GNB4: variants seen among roughly 807,000 people sequenced by gnomAD.
The protein encoded by GNB4 is G protein subunit beta 4.
Under a neutral mutation model 45.2 loss-of-function variants are expected in GNB4, and 28 were observed. The observed-to-expected ratio is 0.62, with a 90% CI of 0.46 to 0.85. The LOEUF is 0.85. Ranked by LOEUF, GNB4 falls within the 40% of genes least tolerant of loss-of-function variation. The probability of loss-of-function intolerance (pLI) is 0.00; values close to 1 mark genes in which losing one functional copy is unlikely to be tolerated. For synonymous variants in GNB4, 132 were observed against 143.7 expected, an observed-to-expected ratio of 0.92 and a Z score of 0.58; for missense variants, 321 against 425.4, an observed-to-expected ratio of 0.75 and a Z score of 2.16.
the GNB4 span, among the ~76,000 whole-genome samples, chr3:179,472,341 TCTTTC>T: frequency 1.3e-5 from 2 of 150,510 alleles, no homozygotes; most frequent in South Asian, 4.2e-4. Flanking sequence ...TTTTTCTTTT[TCTTTC>T]CTTTCCTTTC....
In GNB4 at chr3:179,397,722, C is replaced by A. The variant is rs190667117; in HGVS notation, c.*3491G>T. 1 of 152,622 alleles carries A rather than the reference C, an allele frequency of 6.6e-6. No individual in the cohort carries two copies. Among genetic ancestry groups the A allele is most frequent in the Non-Finnish European group, 1.5e-5 (1 of 68,072 alleles). The allele number at this position is 152,622 out of a possible 1,614,324, so 9.5% of individuals were successfully genotyped here. A position where few individuals can be genotyped will look rare whatever the true frequency, so the allele number is the denominator to read the frequency against. ...CTGTCCATTAAAGTGGAGGAGATAT[C>A]CTTGCTGATGGCAAAAACTGCTTTT... On this transcript the variant is annotated 3_prime_UTR_variant, in exon 10 of 10. Transcript: ENST00000232564.
In GNB4 at chr3:179,398,892, T is replaced by C. The variant is rs1267737120; in HGVS notation, c.*2321A>G. Reference sequence around the variant, plus strand: ...AATTATGGGAATTGCTTTAAACTCCTCTTCATAAACTTTAAGAACATTAAA... The same window carrying C: ...AATTATGGGAATTGCTTTAAACTCCCCTTCATAAACTTTAAGAACATTAAA... On this transcript the variant is annotated 3_prime_UTR_variant, in exon 10 of 10. Coordinates refer to ENST00000232564, the MANE Select transcript of GNB4 (RefSeq NM_021629.4). 2 of 152,212 alleles carry C rather than the reference T, an allele frequency of 1.3e-5. No homozygotes were observed. The highest frequency in any genetic ancestry group is 2.9e-5 in the Non-Finnish European group (2 of 68,044). The allele number at this position is 152,212 out of a possible 1,614,324, so 9.4% of individuals were successfully genotyped here.
intron 6 of GNB4, among the ~76,000 whole-genome samples, chr3:179,414,607 G>A (rs1459601478): frequency 6.6e-6 from 1 of 152,136 alleles, no homozygotes; most frequent in African/African-American, 2.4e-5. Context: ...GCAGAAAATG[G>A]AGAACATTTT....
chr3:179,430,285 C>T (rs573140410), intron 1 of GNB4, among the ~76,000 whole-genome samples: 1 of 152,190 alleles, frequency 6.6e-6, no homozygotes, highest in South Asian at 2.1e-4. Context: ...GAGACAGGGT[C>T]GCCATGTTGC....
chr3:179,494,408 C>A, the GNB4 span, among the ~76,000 whole-genome samples: 1 of 151,998 alleles, frequency 6.6e-6, no homozygotes, highest in East Asian at 1.9e-4. Flanking sequence ...TGTTGTGGCA[C>A]ATGCCTGTAA....
the GNB4 span, chr3:179,464,396 C>T: frequency 4.1e-6 from 5 of 1,211,728 alleles, no homozygotes; most frequent in South Asian, 3.7e-5. Context: ...TGCTGCAGCC[C>T]GTGCACAGCT....
the GNB4 span, among the ~76,000 whole-genome samples, chr3:179,520,894 G>T: frequency 0.74 from 111,527 of 151,566 alleles, 41,811 homozygotes; most frequent in East Asian, 0.99. Context: ...GGCAGGCTAT[G>T]CTATAGTACA....
At chr3:179,474,737 C>CTTTTTTTTTTTTT in the GNB4 span, among the ~76,000 whole-genome samples, 753 of 59,790 alleles carry the variant, frequency 0.013, 14 homozygotes, top group East Asian at 0.028. Flanking sequence ...AGACTGGGTC[C>CTTTTTTTTTTTTT]TTTTTTTTTT....
intron 8 of GNB4, among the ~76,000 whole-genome samples, chr3:179,412,732 T>C (rs1010282075): frequency 2.0e-5 from 3 of 152,130 alleles, no homozygotes; most frequent in Non-Finnish European, 2.9e-5. Context: ...TTCATCCTTA[T>C]TGTTCTCTCT....
chr3:179,519,080 A>G, the GNB4 span, among the ~76,000 whole-genome samples: 4 of 152,092 alleles, frequency 2.6e-5, no homozygotes, highest in Non-Finnish European at 4.4e-5. Flanking sequence ...ACTTCCAAAC[A>G]CCTAAACCGC....
At chr3:179,505,419 C>T in the GNB4 span, among the ~76,000 whole-genome samples, 6 of 152,118 alleles carry the variant, frequency 3.9e-5, no homozygotes, top group Non-Finnish European at 7.3e-5. Flanking sequence ...AGATAATATC[C>T]AGAGTCAGAG....
the GNB4 span, among the ~76,000 whole-genome samples, chr3:179,515,050 T>C: frequency 2.6e-5 from 4 of 152,256 alleles, no homozygotes; most frequent in Non-Finnish European, 5.9e-5. Flanking sequence ...GAGAGCCTGA[T>C]ATTGAAAACC....
chr3:179,436,371 T>G (rs1342138583), intron 1 of GNB4, among the ~76,000 whole-genome samples: 1 of 152,130 alleles, frequency 6.6e-6, no homozygotes, highest in Non-Finnish European at 1.5e-5. Flanking sequence ...GCCTGGGCAA[T>G]GAGAGTGAAA....
intron 1 of GNB4, among the ~76,000 whole-genome samples, chr3:179,443,659 T>C (rs1162427148): frequency 6.6e-6 from 1 of 152,202 alleles, no homozygotes; most frequent in African/African-American, 2.4e-5. Flanking sequence ...AAGATAAAAT[T>C]TTAGAGGTTT....
chr3:179,404,214 A>G (rs746398604), intron 9 of GNB4, among the ~76,000 whole-genome samples: 76 of 152,352 alleles, frequency 5.0e-4, no homozygotes, highest in Admixed American at 2.2e-3. Context: ...TGACTTTTTA[A>G]AAAGTCGGAA....
intron 1 of GNB4, among the ~76,000 whole-genome samples, chr3:179,431,178 T>C (rs1051809615): frequency 1.1e-4 from 16 of 152,300 alleles, no homozygotes; most frequent in African/African-American, 3.6e-4. Context: ...ATATAATACA[T>C]TTAGCTATGT....
chr3:179,410,243 G>A (rs1168085520), intron 8 of GNB4: 2 of 152,094 alleles, frequency 1.3e-5, no homozygotes, highest in Admixed American at 6.5e-5. Context: ...GTAAGCAGTA[G>A]AAAAGAAATA....
At position 179,400,970 on chromosome 3, in the gene GNB4, C is replaced by T. The variant is rs2108574716; in HGVS notation, c.*243G>A. The T allele has an allele frequency of 2.6e-6, 1 of 387,982 alleles. No homozygotes were observed. Among genetic ancestry groups the T allele is most frequent in the African/African-American group, 2.0e-5 (1 of 48,796 alleles). 24.0% of individuals were successfully genotyped at this position (387,982 alleles called of 1,614,324 possible). On this transcript the variant is annotated 3_prime_UTR_variant, in exon 10 of 10. Transcript: ENST00000232564. Reference sequence around the variant, plus strand: ...CACTCTGAGTACACACAACAATTCACCAAGGTTAAAATAACCCAACCCCTC... The same window carrying T: ...CACTCTGAGTACACACAACAATTCATCAAGGTTAAAATAACCCAACCCCTC...
chr3:179,511,327 C>A, the GNB4 span, among the ~76,000 whole-genome samples: 840 of 152,336 alleles, frequency 5.5e-3, 4 homozygotes, highest in Non-Finnish European at 8.9e-3. Context: ...TTATATCCAG[C>A]ATCTGATATA....
Sources: allele counts gnomAD v4.1 joint callset (sites outside exome capture counted in the v4.1 genomes callset), GRCh38; gene constraint gnomAD v4.1.1; transcripts MANE v1.5; gene names NCBI Gene and HGNC (gene_info 2026-07-23, HGNC 2026-07-21).